Variants in PKD1L1 observed in about 807,000 individuals in gnomAD.
PKD1L1 encodes polycystin 1 like 1, transient receptor potential channel interacting.
Under a neutral mutation model 323.4 loss-of-function variants are expected in PKD1L1, and 236 were observed. The ratio of observed to expected loss-of-function variants is 0.73; its 90% CI spans 0.66 to 0.81. The LOEUF is 0.81. Ranked by LOEUF, PKD1L1 falls within the 40% of genes least tolerant of loss-of-function variation. The pLI is 0.00. For synonymous variants in PKD1L1, 1,344 were observed against 1,335.0 expected, an observed-to-expected ratio of 1.01 and a Z score of -0.15; for missense variants, 3,320 against 3,508.0, an observed-to-expected ratio of 0.95 and a Z score of 1.35.
At chr7:47,827,617 CAT>C in intron 44 of PKD1L1, 149 bp from the exon 45 acceptor site, 1 of 625,484 alleles carries the variant, frequency 1.6e-6, no homozygotes, top group Non-Finnish European at 2.7e-6. Context: ...GTATGGATAA[CAT>C]AGACCAGGTT....
At position 47,792,660 on chromosome 7, in the gene PKD1L1, G is replaced by T; in HGVS notation, c.8493C>A (p.Pro2831=). 6.2e-7 allele frequency: 1 copy of T among 1,613,904 alleles called. No homozygotes were observed. The highest frequency in any genetic ancestry group is 8.5e-7 in the Non-Finnish European group (1 of 1,179,874). ...CTTGGTAACTAGAAATGTCCACTAA[G>T]GGACTCTCTTCTGTCCTTGCCTCCC... The part of the protein sequence containing the change: ...NTGEARTEES[P]LVDISSYQAA... Residue 2831 remains proline, a synonymous_variant, in exon 56 of 57, where the codon CCC becomes CCA. Coordinates refer to ENST00000289672, the MANE Select transcript of PKD1L1 (RefSeq NM_138295.5).
intron 13 of PKD1L1, among the ~76,000 whole-genome samples, chr7:47,901,018 T>C (rs1787074546): frequency 6.6e-6 from 1 of 152,168 alleles, no homozygotes; most frequent in African/African-American, 2.4e-5. Flanking sequence ...TTCATTTTTT[T>C]CTTTATACTT....
At chr7:47,857,919 A>C in intron 27 of PKD1L1, 87 bp from the exon 28 acceptor site, 1 of 1,298,216 alleles carries the variant, frequency 7.7e-7, no homozygotes, top group Non-Finnish European at 1.1e-6. Context: ...GGGGAAAAGT[A>C]GTTAAAAAGC....
At chr7:47,854,189 G>A (rs76953345) in intron 30 of PKD1L1, among the ~76,000 whole-genome samples, 2 of 152,170 alleles carry the variant, frequency 1.3e-5, no homozygotes, top group Non-Finnish European at 2.9e-5. Context: ...GACAGCGCCT[G>A]TGTAAGATAC....
chr7:47,808,319 A>C lies in PKD1L1; in HGVS notation c.7755T>G (p.Asp2585Glu), dbSNP rs773305404. ...GTCCTCTGTGAAACTGGTTAGTGAC[A>C]TCTCCAGCAAGAGTAACAAGGTGGC... Reference protein sequence around the residue: ...VSGHLVTLAGDVTNQFHRGLC... With the variant: ...VSGHLVTLAGEVTNQFHRGLC... Residue 2585 changes from aspartate to glutamate, a missense_variant, in exon 52 of 57, where the codon GAT becomes GAG. Coordinates refer to ENST00000289672, the MANE Select transcript of PKD1L1 (RefSeq NM_138295.5). The C allele has an allele frequency of 2.7e-5, 43 of 1,614,066 alleles. No individual in the cohort carries two copies. Among genetic ancestry groups the C allele is most frequent in the Non-Finnish European group, 3.6e-5 (43 of 1,180,034 alleles).
chr7:47,893,417 C>T (rs16881634), intron 15 of PKD1L1, among the ~76,000 whole-genome samples: 2,547 of 152,136 alleles, frequency 0.017, 77 homozygotes, highest in African/African-American at 0.058. Flanking sequence ...GAATTCCTGT[C>T]TGAGGCTGTT....
chr7:47,802,532 G>T (rs1402234395), intron 53 of PKD1L1, among the ~76,000 whole-genome samples: 1 of 152,238 alleles, frequency 6.6e-6, no homozygotes, highest in Non-Finnish European at 1.5e-5. Context: ...TTGGTGTCCT[G>T]TGTGGCTTGG....
At chr7:47,861,480 C>A (rs898684683) in intron 26 of PKD1L1, among the ~76,000 whole-genome samples, 2 of 152,120 alleles carry the variant, frequency 1.3e-5, no homozygotes, top group African/African-American at 4.8e-5. Context: ...ATTTCAAGGA[C>A]ATAAGGGGCA....
intron 33 of PKD1L1, among the ~76,000 whole-genome samples, chr7:47,843,656 G>T (rs145681477): frequency 6.6e-6 from 1 of 152,168 alleles, no homozygotes; most frequent in Non-Finnish European, 1.5e-5. Flanking sequence ...GGATGGTGCT[G>T]CTTGTTCCCT....
chr7:47,827,995 G>C (rs897727885), intron 44 of PKD1L1, among the ~76,000 whole-genome samples: 8 of 152,210 alleles, frequency 5.3e-5, no homozygotes, highest in African/African-American at 1.7e-4. Flanking sequence ...CACTGGATCA[G>C]GCACTGGGGA....
chr7:47,885,606 T>C, intron 18 of PKD1L1, 80 bp downstream of exon 18: 1 of 1,523,004 alleles, frequency 6.6e-7, no homozygotes, highest in South Asian at 1.3e-5. Flanking sequence ...TCTCACACCT[T>C]ACCCACCAGA....
chr7:47,820,650 C>T (rs35967834), intron 46 of PKD1L1, among the ~76,000 whole-genome samples: 4,310 of 152,092 alleles, frequency 0.028, 98 homozygotes, highest in Non-Finnish European at 0.043. Context: ...TCGCTTGAAC[C>T]TGGGAGGTGG....
intron 46 of PKD1L1, among the ~76,000 whole-genome samples, chr7:47,816,568 G>A (rs1268973992): frequency 6.6e-6 from 1 of 152,194 alleles, no homozygotes; most frequent in Non-Finnish European, 1.5e-5. Context: ...GAATGGAAAG[G>A]ATGGGGTGCT....
At chr7:47,899,739 G>A (rs1414392427) in intron 13 of PKD1L1, among the ~76,000 whole-genome samples, 2 of 151,994 alleles carry the variant, frequency 1.3e-5, no homozygotes, top group South Asian at 2.1e-4. Flanking sequence ...GGCGGATCAC[G>A]AGGTCAGGAG....
chr7:47,952,383 G>T (rs1018098936), upstream of PKD1L1, among the ~76,000 whole-genome samples: 13 of 152,300 alleles, frequency 8.5e-5, no homozygotes, highest in Middle Eastern at 3.4e-3. Context: ...TGGCTTTGGG[G>T]AAGTGAGCAC....
chr7:47,832,144 G>A (rs1052770932), intron 41 of PKD1L1, among the ~76,000 whole-genome samples: 33 of 152,220 alleles, frequency 2.2e-4, no homozygotes, highest in African/African-American at 6.5e-4. Flanking sequence ...TAGGCAAACC[G>A]AGGGACACTG....
intron 20 of PKD1L1, among the ~76,000 whole-genome samples, chr7:47,881,476 C>A (rs1251043344): frequency 6.6e-6 from 1 of 152,136 alleles, no homozygotes. Context: ...TGTATTAACA[C>A]GAAAGGGGGA....
In PKD1L1 at chr7:47,839,517, A is replaced by C. The variant is rs151303259; in HGVS notation, c.5698T>G (p.Ser1900Ala). 2 of 1,612,144 alleles carry C rather than the reference A, an allele frequency of 1.2e-6. No individual in the cohort carries two copies. Among genetic ancestry groups the C allele is most frequent in the Non-Finnish European group, 1.7e-6 (2 of 1,179,652 alleles). The change falls in exon 36 of 57, where the codon TCT becomes GCT. Residue 1900 changes from serine to alanine, a missense_variant. Physicochemically the swap from Ser to Ala is moderately conservative, Grantham distance 99 (BLOSUM62 1). Coordinates refer to ENST00000289672, the MANE Select transcript of PKD1L1 (RefSeq NM_138295.5). This position sits in a 1 kb window ranked among gnomAD's most constrained non-coding sequence, Gnocchi z 4.3. ...ACGCGACCATCATGCCTGCCGGCAG[A>C]CAGCCAGCACTGGGCAGGGAAGAAC... is the stretch of plus-strand genomic sequence containing the variant. ...GWFFPAQCWL[S>A]AGRHDGRVER...
chr7:47,806,885 T>C (rs759538904), intron 52 of PKD1L1, among the ~76,000 whole-genome samples: 6 of 151,970 alleles, frequency 3.9e-5, no homozygotes, highest in Admixed American at 6.5e-5. Context: ...TAGCACAGCA[T>C]GTTATGTTCC....
Sources: gnomAD v4.1 joint callset for allele counts (sites outside exome capture counted in the v4.1 genomes callset) on GRCh38, gnomAD v4.1.1 for gene constraint, Gnocchi (gnomAD v3.1) non-coding constraint, MANE v1.5 for transcripts, NCBI Gene and HGNC (gene_info 2026-07-23, HGNC 2026-07-21) for gene names.